Variants in NTAQ1 observed in about 807,000 individuals in gnomAD.
NTAQ1 encodes protein N-terminal glutamine amidohydrolase.
In NTAQ1, 21 loss-of-function variants were observed where a neutral mutation model predicts 28.2. That is an observed-to-expected ratio of 0.74 (90% confidence interval 0.53 to 1.07). The LOEUF is 1.07. NTAQ1 is among the 50% of genes least tolerant of loss of function. The pLI, the probability that NTAQ1 is intolerant of heterozygous loss-of-function variation, is 0.00. For synonymous variants in NTAQ1, 105 were observed against 90.0 expected (o/e 1.17, Z -0.94); for missense variants, 264 against 256.6 (o/e 1.03, Z -0.20).
At chr8:123,460,816 CGTA>C (rs146526404) in intron 6 of NTAQ1, among the ~76,000 whole-genome samples, 664 of 152,082 alleles carry the variant, frequency 4.4e-3, no homozygotes, top group African/African-American at 0.014. Context: ...GGTTTGACGA[CGTA>C]GTGGAGTTTG....
intron 1 of NTAQ1, among the ~76,000 whole-genome samples, chr8:123,420,590 CTTTTT>C (rs71310676): frequency 2.0e-5 from 2 of 102,034 alleles, no homozygotes; most frequent in Non-Finnish European, 3.6e-5. Flanking sequence ...TATTTTTTGC[CTTTTT>C]TTTTTTTTTT....
At chr8:123,436,362 A>G (rs778107372) in intron 3 of NTAQ1, 91 bp from the exon 4 acceptor site, 32 of 1,303,302 alleles carry the variant, frequency 2.5e-5, no homozygotes, top group South Asian at 8.2e-5. Flanking sequence ...TAGCAGTCCT[A>G]TATCCTTTTT....
intron 4 of NTAQ1, 55 bp downstream of exon 4, chr8:123,436,656 C>T: frequency 6.5e-7 from 1 of 1,544,292 alleles, no homozygotes; most frequent in African/African-American, 1.5e-5. Context: ...TTTGACGATT[C>T]CACAGAGGTT....
At chr8:123,432,371 G>T (rs1030418786) in intron 3 of NTAQ1, among the ~76,000 whole-genome samples, 1 of 152,060 alleles carries the variant, frequency 6.6e-6, no homozygotes, top group Non-Finnish European at 1.5e-5. Context: ...TGGGCGTGGT[G>T]GCTCACACCT....
chr8:123,437,058 C>T lies in NTAQ1; in HGVS notation c.384-152C>T, dbSNP rs550486886. 2.4e-5 allele frequency: 24 copies of T among 1,000,230 alleles called. No homozygotes were observed. The South Asian group carries it at 4.0e-4, about 17-fold the overall frequency. The allele number at this position is 1,000,230 out of a possible 1,614,324, so 62.0% of individuals were successfully genotyped here. ...TTGGTTGATCATTTCCTATGCTTCTCTAATAGGTAGTAAAGTTGCCTGTAT... is the reference window on the plus strand; with the variant it reads ...TTGGTTGATCATTTCCTATGCTTCTTTAATAGGTAGTAAAGTTGCCTGTAT... On this transcript the variant is annotated intron_variant, in intron 4 of 5. Transcript: ENST00000287387.
chr8:123,436,877 A>G (rs1166865477), intron 4 of NTAQ1, among the ~76,000 whole-genome samples: 2 of 152,074 alleles, frequency 1.3e-5, no homozygotes, highest in Non-Finnish European at 2.9e-5. Context: ...TTTTTCTTAT[A>G]TTCTTTTTGT....
chr8:123,435,742 C>CTG (rs756447211), intron 3 of NTAQ1, among the ~76,000 whole-genome samples: 7 of 152,026 alleles, frequency 4.6e-5, no homozygotes, highest in Non-Finnish European at 1.0e-4. Flanking sequence ...TGGCGGGTGT[C>CTG]TGTAGTCCCA....
chr8:123,432,058 C>T (rs968717364), intron 3 of NTAQ1, among the ~76,000 whole-genome samples: 4 of 152,196 alleles, frequency 2.6e-5, no homozygotes, highest in African/African-American at 9.7e-5. Flanking sequence ...CCCACACCCT[C>T]TGGCAGGTTT....
chr8:123,447,864 T>C (rs56191577), intron 6 of NTAQ1, among the ~76,000 whole-genome samples: 2,143 of 152,362 alleles, frequency 0.014, 18 homozygotes, highest in Non-Finnish European at 0.023. Context: ...TCCCTTGTTC[T>C]ACAGCAACAG....
chr8:123,462,851 G>A (rs1001326877), intron 6 of NTAQ1, among the ~76,000 whole-genome samples: 1 of 152,182 alleles, frequency 6.6e-6, no homozygotes, highest in Non-Finnish European at 1.5e-5. Context: ...GCAAACTGGG[G>A]AACAGGAACT....
chr8:123,427,112 A>G (rs1814104317), intron 1 of NTAQ1, among the ~76,000 whole-genome samples: 1 of 152,110 alleles, frequency 6.6e-6, no homozygotes, highest in Non-Finnish European at 1.5e-5. Flanking sequence ...TCAACCCAAA[A>G]CACCCATCCT....
chr8:123,469,102 T>A (rs1277893530), exon 7 of NTAQ1, among the ~76,000 whole-genome samples: 1 of 152,220 alleles, frequency 6.6e-6, no homozygotes, highest in Non-Finnish European at 1.5e-5. Context: ...GGGAATTCTT[T>A]ATATATTCTA....
chr8:123,421,618 C>T (rs1481538001), intron 1 of NTAQ1, among the ~76,000 whole-genome samples: 4 of 150,026 alleles, frequency 2.7e-5, no homozygotes, highest in Non-Finnish European at 4.4e-5. Flanking sequence ...AAGTGATGCT[C>T]CCAGCTGAGC....
chr8:123,460,680 T>A (rs1209951054), intron 6 of NTAQ1, among the ~76,000 whole-genome samples: 1 of 152,208 alleles, frequency 6.6e-6, no homozygotes, highest in African/African-American at 2.4e-5. Flanking sequence ...CGTTTTGCAG[T>A]GTCCTTTGGC....
At chr8:123,426,032 C>T (rs1442719089) in intron 1 of NTAQ1, among the ~76,000 whole-genome samples, 1 of 152,034 alleles carries the variant, frequency 6.6e-6, no homozygotes, top group Non-Finnish European at 1.5e-5. Flanking sequence ...CCCGCTCCCC[C>T]CTGCAAAAAA....
chr8:123,418,878 G>GTA (rs534234859), intron 1 of NTAQ1, among the ~76,000 whole-genome samples: 96 of 152,280 alleles, frequency 6.3e-4, no homozygotes, highest in African/African-American at 2.3e-3. Context: ...TGCAGGACGT[G>GTA]TAGCAGCATC....
chr8:123,416,733 C>T (rs559553089), upstream of NTAQ1: 3 of 1,043,862 alleles, frequency 2.9e-6, no homozygotes, highest in Admixed American at 3.7e-5. Flanking sequence ...GCCCTCTCCC[C>T]CCGGGCTCCG....
chr8:123,423,229 C>T (rs1030784312), intron 1 of NTAQ1, among the ~76,000 whole-genome samples: 29 of 148,508 alleles, frequency 2.0e-4, no homozygotes, highest in African/African-American at 7.4e-4. Flanking sequence ...CCTTCCTTCC[C>T]TCTCTCCCTC....
At chr8:123,443,709 G>C (rs923013910), downstream of NTAQ1, among the ~76,000 whole-genome samples, 1 of 152,146 alleles carries the variant, frequency 6.6e-6, no homozygotes, top group Non-Finnish European at 1.5e-5. Context: ...TGAGTAGCTG[G>C]GACTACAGGC....
Sources: allele counts gnomAD v4.1 joint callset (sites outside exome capture counted in the v4.1 genomes callset), GRCh38; gene constraint gnomAD v4.1.1; transcripts MANE v1.5; gene names NCBI Gene and HGNC (gene_info 2026-07-23, HGNC 2026-07-21).